Variants in MAP7D2 observed in about 807,000 individuals in gnomAD.
MAP7D2 encodes MAP7 domain-containing protein 2.
In MAP7D2, 33 loss-of-function variants were observed where a neutral mutation model predicts 63.5. That is an observed-to-expected ratio of 0.52 (90% CI 0.39 to 0.70). The LOEUF (loss-of-function observed/expected upper bound fraction) is 0.70, where lower values mean the gene tolerates loss of function less well. Ranked by LOEUF, MAP7D2 falls within the 30% of genes least tolerant of loss-of-function variation. The pLI, the probability that MAP7D2 is intolerant of heterozygous loss-of-function variation, is 0.00. For synonymous variants in MAP7D2, 224 were observed against 223.7 expected, an observed-to-expected ratio of 1.00 and a Z score of -0.01; for missense variants, 626 against 604.0, an observed-to-expected ratio of 1.04 and a Z score of -0.38.
intron 10 of MAP7D2, among the ~76,000 whole-genome samples, chrX:20,020,704 C>A (rs1383983456): frequency 8.9e-6 from 1 of 111,776 alleles, no homozygotes; most frequent in Non-Finnish European, 1.9e-5. Flanking sequence ...CACCTGCCAC[C>A]TGTAGGCTCA....
chrX:20,014,716 T>A (rs779720988), intron 12 of MAP7D2, among the ~76,000 whole-genome samples: 2 of 111,807 alleles, frequency 1.8e-5, no homozygotes, highest in East Asian at 2.8e-4. Context: ...GATGGAGTTA[T>A]TCTTTTTTCT....
chrX:20,070,148 C>T, intron 1 of MAP7D2, among the ~76,000 whole-genome samples: 1 of 111,289 alleles, frequency 9.0e-6, no homozygotes, highest in Admixed American at 9.5e-5. Flanking sequence ...GGGGTTTCAC[C>T]ATGTTGGTCA....
chrX:20,044,377 C>T lies in MAP7D2; in HGVS notation c.866G>A (p.Gly289Glu). The change falls in exon 7 of 17, where the codon GGA (glycine) becomes GAA (glutamate). Residue 289 changes from glycine to glutamate, a missense_variant. Physicochemically the swap from Gly to Glu is moderately conservative, Grantham distance 98. Transcript: ENST00000379643. ...TTTTAAACCTACCAGAGAGGCCTCT[C>T]CTCCTGAAAGGGCTTCTTTCCCAAC... ...GDVGKEALSG[G>E]EASLVEKVKR... is the part of the protein sequence containing the mutation. 2 of 1,211,285 alleles carry T rather than the reference C, an allele frequency of 1.7e-6. No individual in the cohort carries two copies. Among genetic ancestry groups the T allele is most frequent in the Non-Finnish European group, 2.2e-6 (2 of 895,268 alleles).
At chrX:20,100,744 G>A (rs935286663) in intron 1 of MAP7D2, among the ~76,000 whole-genome samples, 5 of 111,444 alleles carry the variant, frequency 4.5e-5, no homozygotes, top group South Asian at 3.7e-4. Context: ...AAAGACAACC[G>A]GGCGTGGTGG....
intron 3 of MAP7D2, among the ~76,000 whole-genome samples, chrX:20,061,010 G>T (rs2065208935): frequency 9.3e-6 from 1 of 107,489 alleles, no homozygotes; most frequent in Non-Finnish European, 1.9e-5. Context: ...GGCAGGATTT[G>T]GTGGGCAACA....
At chrX:20,103,761 G>A (rs2066497107) in intron 1 of MAP7D2, among the ~76,000 whole-genome samples, 1 of 112,014 alleles carries the variant, frequency 8.9e-6, no homozygotes, top group Non-Finnish European at 1.9e-5. Context: ...CCATCATATG[G>A]AACAGTTCAG....
chrX:20,023,116 A>G (rs762168931), intron 10 of MAP7D2, among the ~76,000 whole-genome samples: 3 of 112,464 alleles, frequency 2.7e-5, no homozygotes, highest in Non-Finnish European at 5.6e-5. Context: ...CTTGTTCCAG[A>G]AAGTATGGAA....
At chrX:20,063,287 G>C in intron 3 of MAP7D2, 127 bp downstream of exon 3, 1 of 683,561 alleles carries the variant, frequency 1.5e-6, no homozygotes, top group South Asian at 3.1e-5. Context: ...AAGAAGGCAT[G>C]GGAGCCACCA....
chrX:20,057,747 A>G (rs1460146957), intron 3 of MAP7D2, among the ~76,000 whole-genome samples: 2 of 112,215 alleles, frequency 1.8e-5, no homozygotes, highest in Admixed American at 9.5e-5. Flanking sequence ...TGGGCTAATC[A>G]TAGCCCATTC....
At chrX:20,100,956 G>C (rs1198717402) in intron 1 of MAP7D2, among the ~76,000 whole-genome samples, 3 of 108,381 alleles carry the variant, frequency 2.8e-5, no homozygotes, top group Non-Finnish European at 5.7e-5. Flanking sequence ...GGGAGGCGGA[G>C]GTTGCGGTGA....
In MAP7D2 at chrX:20,112,863, C is replaced by T. The variant is rs775349164; in HGVS notation, c.130+3887G>A. On this transcript the variant is annotated intron_variant, in intron 1 of 16. Coordinates refer to ENST00000379643, the MANE Select transcript of MAP7D2 (RefSeq NM_001168465.2). ...CCAGAAATCTCCATCTCTCGCCTGC[C>T]CAAATCAACCTTGTGAATCCTTCTG... 1.1e-4 allele frequency among the ~76,000 whole-genome samples: 12 copies of T among 111,866 alleles called. No homozygotes were observed. The South Asian group carries it at 4.5e-3, about 42-fold the overall frequency.
intron 1 of MAP7D2, among the ~76,000 whole-genome samples, chrX:20,072,064 C>T (rs1312136077): frequency 1.8e-5 from 2 of 111,624 alleles, no homozygotes; most frequent in Admixed American, 9.5e-5. Context: ...CAAAGGGCCA[C>T]GAATATTATG....
chrX:20,104,331 C>T (rs907550117), intron 1 of MAP7D2, among the ~76,000 whole-genome samples: 4 of 112,714 alleles, frequency 3.5e-5, no homozygotes, highest in Non-Finnish European at 5.6e-5. Context: ...GACAGAGTCT[C>T]GCTATGTAGC....
chrX:20,039,361 G>C (rs774328796), intron 8 of MAP7D2, among the ~76,000 whole-genome samples: 1 of 112,036 alleles, frequency 8.9e-6, no homozygotes, highest in Non-Finnish European at 1.9e-5. Flanking sequence ...AAGATTTATT[G>C]ATGTCATATC....
intron 1 of MAP7D2, among the ~76,000 whole-genome samples, chrX:20,111,595 G>A (rs980731885): frequency 7.2e-5 from 8 of 111,530 alleles, no homozygotes; most frequent in Non-Finnish European, 1.3e-4. Flanking sequence ...GTAGTTGTGA[G>A]GCCGGGGGAA....
At chrX:20,096,727 TAATG>T (rs1247560259) in intron 1 of MAP7D2, among the ~76,000 whole-genome samples, 3 of 111,478 alleles carry the variant, frequency 2.7e-5, no homozygotes, top group Non-Finnish European at 3.8e-5. Context: ...TGAATGTATT[TAATG>T]CCACTAAATT....
intron 12 of MAP7D2, among the ~76,000 whole-genome samples, chrX:20,014,502 A>G (rs1318713471): frequency 9.0e-6 from 1 of 110,673 alleles, no homozygotes. Context: ...TGGGAGGTGG[A>G]GGTTGTGGTG....
intron 3 of MAP7D2, among the ~76,000 whole-genome samples, chrX:20,059,628 G>GGAAGGA (rs1569096742): frequency 1.6e-5 from 1 of 62,922 alleles, no homozygotes; most frequent in African/African-American, 9.4e-5. Flanking sequence ...GGAAGGAAGG[G>GGAAGGA]TGGAAGGAAG....
At chrX:20,113,980 C>T (rs2066819965) in intron 1 of MAP7D2, among the ~76,000 whole-genome samples, 1 of 111,672 alleles carries the variant, frequency 9.0e-6, no homozygotes, top group African/African-American at 3.3e-5. Flanking sequence ...TCCCACCCCC[C>T]AGTACCCTTC....
Sources: allele counts gnomAD v4.1 joint callset (sites outside exome capture counted in the v4.1 genomes callset), GRCh38; gene constraint gnomAD v4.1.1; transcripts MANE v1.5; gene names NCBI Gene and HGNC (gene_info 2026-07-23, HGNC 2026-07-21).